The following SLC40A1 variants were observed in gnomAD, a reference collection of about 807,000 sequenced individuals.
SLC40A1 encodes ferroportin.
A neutral mutation model predicts 53.5 loss-of-function variants in SLC40A1; 16 were observed. That is an observed-to-expected ratio of 0.30 (90% confidence interval 0.20 to 0.45). The LOEUF (loss-of-function observed/expected upper bound fraction) is 0.45, where lower values mean the gene tolerates loss of function less well. SLC40A1 is among the 20% of genes least tolerant of loss of function. SLC40A1 has a pLI of 1.00. For missense variants in SLC40A1, 545 were observed against 695.4 expected (o/e 0.78, Z 2.43); for synonymous variants, 247 against 253.2 (o/e 0.98, Z 0.23).
At chr2:189,571,440 T>C (rs1420419347) in intron 5 of SLC40A1, among the ~76,000 whole-genome samples, 3 of 143,718 alleles carry the variant, frequency 2.1e-5, no homozygotes, top group Admixed American at 1.4e-4. Flanking sequence ...GATTGAATTT[T>C]TTTTTAAAAA....
At position 189,563,959 on chromosome 2, in the gene SLC40A1, T is replaced by G; in HGVS notation, c.1027A>C (p.Ser343Arg). The G allele has an allele frequency of 6.2e-7, 1 of 1,614,124 alleles. No homozygotes were observed. The highest frequency in any genetic ancestry group is 8.5e-7 in the Non-Finnish European group (1 of 1,180,014). ...YTQGLSGSIL[S>R]ILMGASAITG... ...ATAGCTGATGCTCCCATCAAAATAC[T>G]GAGGATGGAACCACTCAGTCCCTGA... Residue 343 changes from serine to arginine, a missense_variant, in exon 7 of 8, where the codon AGT (serine) becomes CGT (arginine). By Grantham distance (110) the Ser-to-Arg change is moderately radical. Transcript: ENST00000261024.
At chr2:189,567,726 C>G (rs2030981045) in intron 5 of SLC40A1, among the ~76,000 whole-genome samples, 1 of 152,078 alleles carries the variant, frequency 6.6e-6, no homozygotes. Context: ...TCCAATTAGC[C>G]CTATGAGTAT....
rs370435973 is a variant in SLC40A1 at position 189,563,761 on chromosome 2, G to C, written c.1225C>G (p.Arg409Gly). Reference protein sequence around the residue: ...DLSVSPFEDIRSRFIQGESIT... With the variant: ...DLSVSPFEDIGSRFIQGESIT... ...GACTCTCCTTGAATGAACCTTGATC[G>C]GATATCTTCAAAAGGAGAAACGGAC... Residue 409 changes from arginine (R) to glycine (G), a missense_variant, in exon 7 of 8, where the codon CGA becomes GGA. Arg to Gly is a moderately radical substitution (Grantham distance 125). Around this residue, in one of 4 missense-constraint regions of SLC40A1, gnomAD observed 234 missense variants for 299.0 expected, o/e 0.78. Transcript: ENST00000261024. The C allele has an allele frequency of 6.2e-6, 10 of 1,614,060 alleles. No homozygotes were observed. In the African/African-American group the frequency reaches 9.3e-5, roughly 15 times the overall value.
Position 189,563,935 on chromosome 2 carries a change from T to C in SLC40A1, c.1051A>G (p.Ile351Val), listed in dbSNP as rs375669132. Residue 351 changes from isoleucine (I) to valine (V), a missense_variant, in exon 7 of 8, where the codon ATA becomes GTA. Around this residue, in one of 4 missense-constraint regions of SLC40A1, gnomAD observed 234 missense variants for 299.0 expected, o/e 0.78. Coordinates refer to ENST00000261024, the MANE Select transcript of SLC40A1 (RefSeq NM_014585.6). ...GCTACAGTTCCCATTATTCCAGTTA[T>C]AGCTGATGCTCCCATCAAAATACTG... ...ILSILMGASA[I>V]TGIMGTVAFT... 37 of 1,614,052 alleles carry C rather than the reference T, an allele frequency of 2.3e-5. No homozygotes were observed. The highest frequency in any genetic ancestry group is 9.3e-5 in the African/African-American group (7 of 74,938).
rs2030835475 is a variant in SLC40A1, at chr2:189,563,770, CA to C, written c.1215del (p.Phe405LeufsTer48). 6.2e-7 allele frequency: 1 copy of C among 1,614,000 alleles called. No homozygotes were observed. On this transcript the variant is annotated frameshift_variant, in exon 7 of 8. Coordinates refer to ENST00000261024, the MANE Select transcript of SLC40A1 (RefSeq NM_014585.6). LOFTEE classifies it high-confidence loss of function. ...GSPLDLSVSP[F>X]EDIRSRFIQG... ...TGAATGAACCTTGATCGGATATCTT[CA>C]AAAGGAGAAACGGACAAGTCCAGGG...
intron 2 of SLC40A1, 98 bp downstream of exon 2, chr2:189,579,715 G>T (rs1313921036): frequency 9.5e-7 from 1 of 1,051,180 alleles, no homozygotes; most frequent in Non-Finnish European, 1.5e-6. Context: ...TTCTTTAACT[G>T]CTTGACAAAA....
chr2:189,572,784 T>C (rs1671623234), intron 4 of SLC40A1, 62 bp downstream of exon 4: 3 of 1,224,688 alleles, frequency 2.4e-6, no homozygotes, highest in Non-Finnish European at 3.6e-6. Flanking sequence ...CAAAGCATTT[T>C]CATCCTTTAC....
intron 5 of SLC40A1, among the ~76,000 whole-genome samples, chr2:189,568,184 TAA>T (rs757056097): frequency 1.8e-4 from 24 of 130,484 alleles, no homozygotes; most frequent in Admixed American, 2.3e-4. Flanking sequence ...AATGGATAAT[TAA>T]AAAAAAAAAA....
In SLC40A1 at chr2:189,561,830, C is replaced by T; in HGVS notation, c.*48G>A. ...GGAATTCTGCAGTACAAAATAAGCA[C>T]ATGTGCTCTATATAATCTAGTAACA... On this transcript the variant is annotated 3_prime_UTR_variant, in exon 8 of 8. Transcript: ENST00000261024. The T allele has an allele frequency of 6.7e-7, 1 of 1,485,280 alleles. No homozygotes were observed. The highest frequency in any genetic ancestry group is 9.4e-7 in the Non-Finnish European group (1 of 1,063,758). 92.0% of individuals were successfully genotyped at this position (1,485,280 alleles called of 1,614,324 possible). A position where few individuals can be genotyped will look rare whatever the true frequency, so the allele number is the denominator to read the frequency against.
At chr2:189,576,533 C>G (rs1417231161) in intron 2 of SLC40A1, among the ~76,000 whole-genome samples, 1 of 152,192 alleles carries the variant, frequency 6.6e-6, no homozygotes, top group Non-Finnish European at 1.5e-5. Flanking sequence ...ACCCCCACCC[C>G]ACCTCCCCGG....
At chr2:189,567,786 T>A (rs1486872020) in intron 5 of SLC40A1, among the ~76,000 whole-genome samples, 1 of 152,184 alleles carries the variant, frequency 6.6e-6, no homozygotes, top group Non-Finnish European at 1.5e-5. Flanking sequence ...CACCTTTCAC[T>A]TGAGAGGCAA....
chr2:189,574,250 T>C (rs1161048418), intron 3 of SLC40A1, among the ~76,000 whole-genome samples: 2 of 152,218 alleles, frequency 1.3e-5, no homozygotes, highest in South Asian at 2.1e-4. Flanking sequence ...TATTCCTATG[T>C]TCCTATGTAT....
At chr2:189,570,509 T>C (rs2031092021) in intron 5 of SLC40A1, among the ~76,000 whole-genome samples, 1 of 152,196 alleles carries the variant, frequency 6.6e-6, no homozygotes, top group Non-Finnish European at 1.5e-5. Flanking sequence ...TCATTATAAA[T>C]GATCACAGGA....
At chr2:189,576,324 T>C (rs984271935) in intron 2 of SLC40A1, among the ~76,000 whole-genome samples, 3 of 152,186 alleles carry the variant, frequency 2.0e-5, no homozygotes, top group Non-Finnish European at 4.4e-5. Context: ...CTTCCCAAAG[T>C]CTGTTAACAT....
rs1182088400 is a variant in SLC40A1, at chr2:189,563,926, T to C, written c.1060A>G (p.Ile354Val). The C allele has an allele frequency of 3.1e-6, 5 of 1,614,184 alleles. No individual in the cohort carries two copies. In the East Asian group the frequency reaches 8.9e-5, roughly 29 times the overall value. The change falls in exon 7 of 8, where the codon ATA becomes GTA. Residue 354 changes from isoleucine to valine, a missense_variant. Physicochemically the swap from Ile to Val is conservative, Grantham distance 29. Around this residue, in one of 4 missense-constraint regions of SLC40A1, gnomAD observed 234 missense variants for 299.0 expected, o/e 0.78. Transcript: ENST00000261024. The part of the protein sequence containing the change: ...ILMGASAITG[I>V]MGTVAFTWLR... ...CAAGTAAAAGCTACAGTTCCCATTATTCCAGTTATAGCTGATGCTCCCATC... is the reference window on the plus strand; with the variant it reads ...CAAGTAAAAGCTACAGTTCCCATTACTCCAGTTATAGCTGATGCTCCCATC...
rs772246537 is a variant in SLC40A1 at position 189,564,099 on chromosome 2, C to T, written c.887G>A (p.Arg296Gln). Residue 296 changes from arginine (R) to glutamine (Q), a missense_variant, in exon 7 of 8, where the codon CGA becomes CAA. By Grantham distance (43) the Arg-to-Gln change is conservative. Around this residue, in one of 4 missense-constraint regions of SLC40A1, gnomAD observed 107 missense variants for 91.0 expected, o/e 1.18. Transcript: ENST00000261024. ...GTTGTAGTAGGAGACCCATCCATCTCGGAAGGTACGGAAGGGCTCAGCCAT... is the reference window on the plus strand; with the variant it reads ...GTTGTAGTAGGAGACCCATCCATCTTGGAAGGTACGGAAGGGCTCAGCCAT... ...SQMAEPFRTF[R>Q]DGWVSYYNQP... 1.4e-5 allele frequency: 22 copies of T among 1,608,332 alleles called. No individual in the cohort carries two copies. Among genetic ancestry groups the T allele is most frequent in the East Asian group, 4.5e-5 (2 of 44,818 alleles).
intron 5 of SLC40A1, among the ~76,000 whole-genome samples, chr2:189,568,935 G>T (rs2031036806): frequency 6.6e-6 from 1 of 152,192 alleles, no homozygotes; most frequent in East Asian, 1.9e-4. Context: ...GAGTTAAAAA[G>T]CCTGGGAAAA....
At chr2:189,563,242 T>C (rs868657802) in intron 7 of SLC40A1, among the ~76,000 whole-genome samples, 131 of 140,826 alleles carry the variant, frequency 9.3e-4, no homozygotes, top group African/African-American at 3.4e-3. Context: ...ACCACTGCAC[T>C]CCAGCCTGGG....
chr2:189,570,462 C>G (rs375346744), intron 5 of SLC40A1, among the ~76,000 whole-genome samples: 1 of 152,120 alleles, frequency 6.6e-6, no homozygotes, highest in African/African-American at 2.4e-5. Context: ...GCCTTATCAT[C>G]TAGTTCAATG....
Sources: allele counts gnomAD v4.1 joint callset (sites outside exome capture counted in the v4.1 genomes callset), GRCh38; gene constraint gnomAD v4.1.1; regional missense constraint gnomAD v4.1.1; transcripts MANE v1.5; gene names NCBI Gene and HGNC (gene_info 2026-07-23, HGNC 2026-07-21).